Variants in GLA observed in about 807,000 individuals in gnomAD.
GLA encodes galactosidase alpha.
Under a neutral mutation model 28.2 loss-of-function variants are expected in GLA, and 4 were observed. The ratio of observed to expected loss-of-function variants is 0.14; its 90% confidence interval spans 0.07 to 0.32. The LOEUF (loss-of-function observed/expected upper bound fraction) is 0.32, where lower values mean the gene tolerates loss of function less well. Among genes scored for constraint, GLA ranks in the 10% least tolerant of loss-of-function variants. GLA has a pLI of 1.00. For synonymous variants in GLA, 94 were observed against 113.0 expected, an observed-to-expected ratio of 0.83 and a Z score of 1.07; for missense variants, 203 against 323.7, an observed-to-expected ratio of 0.63 and a Z score of 2.86.
At chrX:101,407,386 G>A (rs1239126479) in intron 1 of GLA, among the ~76,000 whole-genome samples, 2 of 110,902 alleles carry the variant, frequency 1.8e-5, no homozygotes, top group African/African-American at 6.6e-5. Flanking sequence ...TCTGCAAGGA[G>A]CAGTGAAAAA....
intron 3 of GLA, 178 bp from the exon 4 acceptor site, chrX:101,400,935 A>G (rs1181593737): frequency 6.6e-6 from 2 of 302,026 alleles, no homozygotes; most frequent in Non-Finnish European, 5.7e-6. Flanking sequence ...TCCCAGGTTC[A>G]AGTGACTCTT....
intron 2 of GLA, 81 bp downstream of exon 2, chrX:101,403,730 T>G: frequency 2.0e-6 from 2 of 995,934 alleles, no homozygotes; most frequent in Non-Finnish European, 2.8e-6. Flanking sequence ...CGCCCGGCCA[T>G]GAGGGCTGTT....
chrX:101,404,427 T>C (rs1474359506), intron 1 of GLA, among the ~76,000 whole-genome samples: 1 of 111,909 alleles, frequency 8.9e-6, no homozygotes, highest in African/African-American at 3.3e-5. Flanking sequence ...TCCTAAATGA[T>C]TTGAATAAAT....
At chrX:101,398,601 A>C (rs1383141523) in intron 5 of GLA, 34 bp from the exon 6 acceptor site, 3 of 1,135,953 alleles carry the variant, frequency 2.6e-6, no homozygotes, top group African/African-American at 3.6e-5. Context: ...CAAACAAGAG[A>C]GGAGGAAACA....
Position 101,400,775 on chromosome X carries a change from G to A in GLA, c.548-18C>T. On this transcript the variant is annotated intron_variant, in intron 3 of 6. Transcript: ENST00000218516. ...CTTATAACCTGTATGAGAAAACAATGGGTAAAATAAGGGAAAGAAATGAAT... is the reference window on the plus strand; with the variant it reads ...CTTATAACCTGTATGAGAAAACAATAGGTAAAATAAGGGAAAGAAATGAAT... The A allele has an allele frequency of 1.1e-6, 1 of 886,301 alleles. No individual in the cohort carries two copies. The highest frequency in any genetic ancestry group is 1.7e-6 in the Non-Finnish European group (1 of 599,412). The allele number at this position is 886,301 out of a possible 1,213,427, so 73.0% of individuals were successfully genotyped here.
In GLA at chrX:101,403,955, G is replaced by A. The variant is rs869312267; in HGVS notation, c.225C>T (p.Leu75=). ...CATCCTTCCAGCCTTCTGAGACCAT[G>A]AGCTCTGCCATCTCCATGAAGAGCT... ...SEKLFMEMAE[L]MVSEGWKDAG... is the part of the protein sequence containing the mutation. Residue 75 remains leucine (L), a synonymous_variant, in exon 2 of 7, where the codon CTC becomes CTT. Transcript: ENST00000218516. The A allele has an allele frequency of 8.3e-7, 1 of 1,208,962 alleles. No individual in the cohort carries two copies. Among genetic ancestry groups the A allele is most frequent in the African/African-American group, 1.7e-5 (1 of 57,285 alleles).
intron 1 of GLA, among the ~76,000 whole-genome samples, chrX:101,407,422 A>G (rs1928558825): frequency 9.2e-6 from 1 of 108,644 alleles, no homozygotes; most frequent in Admixed American, 1.0e-4. Flanking sequence ...GAGAGAGAGA[A>G]AGAGAGAGGA....
chrX:101,402,241 T>G (rs1928342589), intron 2 of GLA, among the ~76,000 whole-genome samples: 1 of 112,301 alleles, frequency 8.9e-6, no homozygotes, highest in Non-Finnish European at 1.9e-5. Context: ...GCAAGAATCC[T>G]GCTAAGTCAA....
chrX:101,404,671 G>A (rs1467066368), intron 1 of GLA, among the ~76,000 whole-genome samples: 1 of 102,959 alleles, frequency 9.7e-6, no homozygotes, highest in Non-Finnish European at 1.9e-5. Flanking sequence ...CCCGGTTCAA[G>A]CGATTCTTCT....
chrX:101,400,334 G>T (rs782155037), intron 4 of GLA, among the ~76,000 whole-genome samples: 118 of 111,280 alleles, frequency 1.1e-3, no homozygotes, highest in Non-Finnish European at 1.8e-3. Context: ...CTGGTTGAGA[G>T]CCGATAGTAG....
intron 3 of GLA, 65 bp downstream of exon 3, chrX:101,401,567 T>C: frequency 3.2e-6 from 3 of 938,400 alleles, no homozygotes; most frequent in Non-Finnish European, 4.6e-6. Context: ...ATTGGTTCTT[T>C]GGCTCAGCTA....
chrX:101,399,757 G>C (rs1391214542), intron 4 of GLA: 2 of 112,235 alleles, frequency 1.8e-5, no homozygotes, highest in African/African-American at 6.5e-5. Flanking sequence ...CTAGTGGGGA[G>C]ACATGGTAAC....
intron 2 of GLA, among the ~76,000 whole-genome samples, chrX:101,403,388 T>G (rs1260230307): frequency 2.7e-5 from 3 of 110,499 alleles, no homozygotes; most frequent in African/African-American, 9.9e-5. Flanking sequence ...AACAGCCAGC[T>G]ATTCTACTTT....
intron 4 of GLA, among the ~76,000 whole-genome samples, chrX:101,400,337 G>A (rs1367433670): frequency 2.7e-5 from 3 of 111,216 alleles, no homozygotes; most frequent in African/African-American, 6.5e-5. Context: ...GTTGAGAGCC[G>A]ATAGTAGCTT....
chrX:101,398,608 A>G, intron 5 of GLA, 41 bp from the exon 6 acceptor site: 1 of 1,123,446 alleles, frequency 8.9e-7, no homozygotes, highest in South Asian at 1.8e-5. Context: ...GAGAGGAGGA[A>G]ACATTCTTAA....
rs28935197 is a variant in GLA, at chrX:101,398,942, T to C, written c.644A>G (p.Asn215Ser). The C allele has an allele frequency of 3.2e-5, 38 of 1,203,813 alleles. No homozygotes were observed. The highest frequency in any genetic ancestry group is 4.2e-5 in the Non-Finnish European group (37 of 888,895). The change falls in exon 5 of 7, where the codon AAT becomes AGT. Residue 215 changes from asparagine (N) to serine (S), a missense_variant. By Grantham distance (46) the Asn-to-Ser change is conservative. Around this residue, in one of 3 missense-constraint regions of GLA, gnomAD observed 162 missense variants for 246.8 expected, o/e 0.66. Transcript: ENST00000218516. ...GCAGTACTGTCGGATTTCTGTATAATTGGGCTGTGAAAACAGATATGACTC... is the reference window on the plus strand; with the variant it reads ...GCAGTACTGTCGGATTTCTGTATAACTGGGCTGTGAAAACAGATATGACTC... ...PLYMWPFQKP[N>S]YTEIRQYCNH... is the part of the protein sequence containing the mutation.
chrX:101,405,702 C>A (rs968272033), intron 1 of GLA, among the ~76,000 whole-genome samples: 1 of 110,662 alleles, frequency 9.0e-6, no homozygotes, highest in Non-Finnish European at 1.9e-5. Flanking sequence ...GGGCAGATCA[C>A]TTGAGGCCAG....
intron 4 of GLA, among the ~76,000 whole-genome samples, chrX:101,399,559 C>T (rs187991728): frequency 4.6e-4 from 51 of 109,941 alleles, no homozygotes; most frequent in African/African-American, 1.6e-3. Context: ...GAGACTCTGT[C>T]GCAAAAAAAA....
chrX:101,400,339 T>C (rs1323892322), intron 4 of GLA, among the ~76,000 whole-genome samples: 1 of 110,892 alleles, frequency 9.0e-6, no homozygotes, highest in Non-Finnish European at 1.9e-5. Context: ...TGAGAGCCGA[T>C]AGTAGCTTGG....
Sources: gnomAD v4.1 joint callset for allele counts (sites outside exome capture counted in the v4.1 genomes callset) on GRCh38, gnomAD v4.1.1 for gene constraint, gnomAD v4.1.1 regional missense constraint, MANE v1.5 for transcripts, NCBI Gene and HGNC (gene_info 2026-07-23, HGNC 2026-07-21) for gene names.